Variants in SRBD1 observed in about 807,000 individuals in gnomAD.
SRBD1 encodes S1 RNA-binding domain-containing protein 1.
In SRBD1, 88 loss-of-function variants were observed where a neutral mutation model predicts 115.3. That is an observed-to-expected ratio of 0.76 (90% CI 0.64 to 0.91). The LOEUF (loss-of-function observed/expected upper bound fraction) is 0.91. SRBD1 is among the 40% of genes least tolerant of loss of function. The probability of loss-of-function intolerance (pLI) is 0.00; values close to 1 mark genes in which losing one functional copy is unlikely to be tolerated. For missense variants in SRBD1, 1,385 were observed against 1,177.4 expected (o/e 1.18, Z -2.58); for synonymous variants, 509 against 407.7 (o/e 1.25, Z -2.99).
At chr2:45,513,784 C>G (rs1193224479) in intron 14 of SRBD1, among the ~76,000 whole-genome samples, 2 of 140,774 alleles carry the variant, frequency 1.4e-5, no homozygotes, top group African/African-American at 2.7e-5. Context: ...TTGTTCAAAA[C>G]AGTTTTTTTT....
In SRBD1 at chr2:45,562,764, C is replaced by A; in HGVS notation, c.1306-8G>T. On this transcript the variant is annotated splice_region_variant and splice_polypyrimidine_tract_variant and intron_variant, in intron 9 of 20. Transcript: ENST00000263736. ...ACGGTTAATTGCCAGAATCTGAGTG[C>A]AAACATAAGGCAAAGACTAATAATC... 6.3e-7 allele frequency: 1 copy of A among 1,590,024 alleles called. No individual in the cohort carries two copies. The highest frequency in any genetic ancestry group is 8.6e-7 in the Non-Finnish European group (1 of 1,166,012).
At chr2:45,458,249 A>C (rs969844502) in intron 16 of SRBD1, among the ~76,000 whole-genome samples, 3 of 152,116 alleles carry the variant, frequency 2.0e-5, no homozygotes, top group Admixed American at 6.6e-5. Context: ...ATTCTGAGAG[A>C]AGCTGTGACC....
Position 45,602,042 on chromosome 2 carries a change from C to T in SRBD1, c.122G>A (p.Trp41Ter). Residue 41 changes from tryptophan to a stop codon, truncating the protein, a stop_gained, in exon 3 of 21, where the codon TGG becomes TAG. Coordinates refer to ENST00000263736, the MANE Select transcript of SRBD1 (RefSeq NM_018079.5). LOFTEE classifies it high-confidence loss of function. ...TCTGGGAACTTTCTTTTGGGGCTCC[C>T]AGGCACTATCTTCCTTGTCATCTTC... is the stretch of plus-strand genomic sequence containing the variant. ...SEEDDKEDSA[W>*]EPQKKVPRSR... 1 of 1,614,120 alleles carries T rather than the reference C, an allele frequency of 6.2e-7. No individual in the cohort carries two copies. The highest frequency in any genetic ancestry group is 8.5e-7 in the Non-Finnish European group (1 of 1,179,988).
At chr2:45,434,386 C>G (rs1384389551) in intron 16 of SRBD1, among the ~76,000 whole-genome samples, 2 of 152,152 alleles carry the variant, frequency 1.3e-5, no homozygotes, top group African/African-American at 4.8e-5. Flanking sequence ...CCTGGAATCT[C>G]CATTCACCTC....
At chr2:45,591,180 T>A (rs1673712987) in intron 4 of SRBD1, among the ~76,000 whole-genome samples, 3 of 152,100 alleles carry the variant, frequency 2.0e-5, no homozygotes, top group Non-Finnish European at 4.4e-5. Flanking sequence ...AAACCTAAGA[T>A]CAGTGCTTAA....
chr2:45,606,157 C>CT (rs71394845), intron 1 of SRBD1, among the ~76,000 whole-genome samples: 24,147 of 116,672 alleles, frequency 0.21, 2,626 homozygotes, highest in Middle Eastern at 0.3. Context: ...TTTTCCTATT[C>CT]TTTTTTTTTT....
chr2:45,446,967 C>A (rs1371705360), intron 16 of SRBD1, among the ~76,000 whole-genome samples: 5 of 152,286 alleles, frequency 3.3e-5, no homozygotes, highest in Non-Finnish European at 5.9e-5. Flanking sequence ...ACTTCCTATA[C>A]ACCTCCAAAC....
chr2:45,418,557 A>T lies in SRBD1; in HGVS notation c.2157-16T>A. On this transcript the variant is annotated splice_polypyrimidine_tract_variant and intron_variant, in intron 17 of 20. Coordinates refer to ENST00000263736, the MANE Select transcript of SRBD1 (RefSeq NM_018079.5). ...TGCAATATGCCTAGAAAAAAAAAAT[A>T]AGCAAACTGAAAAAAAGATCTCATC... is the stretch of plus-strand genomic sequence containing the variant. The T allele has an allele frequency of 1.3e-6, 2 of 1,588,800 alleles. No homozygotes were observed. The highest frequency in any genetic ancestry group is 2.3e-5 in the South Asian group (2 of 86,852).
At chr2:45,547,814 C>T (rs1405721552) in intron 12 of SRBD1, among the ~76,000 whole-genome samples, 1 of 152,152 alleles carries the variant, frequency 6.6e-6, no homozygotes, top group Admixed American at 6.6e-5. Context: ...ATTCTGTTTG[C>T]TACACAAAAC....
At chr2:45,448,023 C>A (rs980415380) in intron 16 of SRBD1, 3 of 151,854 alleles carry the variant, frequency 2.0e-5, no homozygotes, top group Admixed American at 6.6e-5. Context: ...TAAATAATAC[C>A]ATGTCGTTTA....
intron 9 of SRBD1, among the ~76,000 whole-genome samples, chr2:45,565,493 A>C (rs182005023): frequency 1.3e-5 from 2 of 152,360 alleles, no homozygotes; most frequent in Admixed American, 6.5e-5. Context: ...AATTGATCTT[A>C]GACCTTAATA....
At chr2:45,403,763 G>A (rs1165734773) in intron 19 of SRBD1, among the ~76,000 whole-genome samples, 1 of 151,986 alleles carries the variant, frequency 6.6e-6, no homozygotes, top group South Asian at 2.1e-4. Flanking sequence ...GAGTAACCAA[G>A]GGGTACATCA....
intron 16 of SRBD1, among the ~76,000 whole-genome samples, chr2:45,466,847 C>T (rs1669503244): frequency 6.6e-6 from 1 of 152,136 alleles, no homozygotes; most frequent in African/African-American, 2.4e-5. Flanking sequence ...TTCAACAGGC[C>T]TGAGGGAGGG....
chr2:45,533,748 T>G (rs979653620), intron 14 of SRBD1, among the ~76,000 whole-genome samples: 2 of 152,062 alleles, frequency 1.3e-5, no homozygotes, highest in East Asian at 1.9e-4. Flanking sequence ...GTTCATCAAT[T>G]GCTACATTAA....
At chr2:45,491,442 G>A (rs1670288839) in intron 14 of SRBD1, among the ~76,000 whole-genome samples, 2 of 152,204 alleles carry the variant, frequency 1.3e-5, no homozygotes, top group East Asian at 1.9e-4. Flanking sequence ...CATCTGGGGG[G>A]ATTTTAACTG....
intron 7 of SRBD1, among the ~76,000 whole-genome samples, chr2:45,577,309 T>C (rs1474984686): frequency 2.0e-5 from 3 of 152,242 alleles, no homozygotes; most frequent in African/African-American, 7.2e-5. Context: ...GTGGGTTTAA[T>C]ACAGCCAAGA....
intron 11 of SRBD1, 113 bp from the exon 12 acceptor site, chr2:45,551,395 A>G: frequency 9.2e-7 from 1 of 1,091,652 alleles, no homozygotes; most frequent in Non-Finnish European, 1.3e-6. Context: ...TATTATAACA[A>G]TATAACTTAA....
intron 16 of SRBD1, among the ~76,000 whole-genome samples, chr2:45,475,810 T>C (rs1035751196): frequency 1.3e-5 from 2 of 152,362 alleles, no homozygotes; most frequent in East Asian, 1.9e-4. Flanking sequence ...GCGATTGTCC[T>C]GCCTCAGCCT....
chr2:45,510,037 A>G (rs1670919703), intron 14 of SRBD1, among the ~76,000 whole-genome samples: 1 of 152,192 alleles, frequency 6.6e-6, no homozygotes, highest in Non-Finnish European at 1.5e-5. Context: ...GCCCAGCTAG[A>G]TATTTTTTCA....
Sources: allele counts gnomAD v4.1 joint callset (sites outside exome capture counted in the v4.1 genomes callset), GRCh38; gene constraint gnomAD v4.1.1; transcripts MANE v1.5; gene names NCBI Gene and HGNC (gene_info 2026-07-23, HGNC 2026-07-21).